Variants in KCNQ5 observed in about 807,000 individuals in gnomAD.
The protein encoded by KCNQ5 is potassium voltage-gated channel subfamily KQT member 5.
KCNQ5 carries 30 observed loss-of-function variants against 98.2 expected under a neutral mutation model. The observed-to-expected ratio is 0.31, with a 90% CI of 0.23 to 0.41. KCNQ5 has a LOEUF of 0.41. Among genes scored for constraint, KCNQ5 ranks in the 10% least tolerant of loss-of-function variants. KCNQ5 has a pLI of 1.00. For synonymous variants in KCNQ5, 458 were observed against 449.4 expected, an observed-to-expected ratio of 1.02 and a Z score of -0.24; for missense variants, 835 against 1,182.5, an observed-to-expected ratio of 0.71 and a Z score of 4.31.
intron 11 of KCNQ5, among the ~76,000 whole-genome samples, chr6:73,181,754 G>C (rs553523893): frequency 6.6e-5 from 10 of 152,338 alleles, no homozygotes; most frequent in African/African-American, 2.4e-4. Flanking sequence ...TTATGATTAA[G>C]AGCTCAAAGC....
chr6:72,930,383 C>T (rs1765636915), intron 1 of KCNQ5, among the ~76,000 whole-genome samples: 1 of 151,764 alleles, frequency 6.6e-6, no homozygotes, highest in African/African-American at 2.4e-5. Flanking sequence ...CTCTTAATTC[C>T]AGAAAGACTG....
chr6:73,160,038 G>A (rs1270546297), intron 10 of KCNQ5, among the ~76,000 whole-genome samples: 1 of 148,086 alleles, frequency 6.8e-6, no homozygotes, highest in Non-Finnish European at 1.5e-5. Context: ...TTTTGAGACA[G>A]AGTCTCGCTC....
chr6:73,104,975 A>G (rs1485101789), intron 5 of KCNQ5, among the ~76,000 whole-genome samples: 8 of 152,200 alleles, frequency 5.3e-5, no homozygotes, highest in Non-Finnish European at 1.0e-4. Flanking sequence ...TCATTTCTGT[A>G]TCACTGATGG....
intron 1 of KCNQ5, among the ~76,000 whole-genome samples, chr6:72,793,932 C>T (rs1035334177): frequency 3.3e-5 from 5 of 152,096 alleles, no homozygotes; most frequent in African/African-American, 9.7e-5. Flanking sequence ...GCTTGACATT[C>T]GGAGATCAGA....
chr6:72,827,466 T>C (rs1388651039), intron 1 of KCNQ5, among the ~76,000 whole-genome samples: 1 of 152,188 alleles, frequency 6.6e-6, no homozygotes, highest in Non-Finnish European at 1.5e-5. Flanking sequence ...GATTTGCATT[T>C]TCCTGATGAT....
At chr6:72,808,343 A>C (rs1775056579) in intron 1 of KCNQ5, among the ~76,000 whole-genome samples, 1 of 152,204 alleles carries the variant, frequency 6.6e-6, no homozygotes, top group African/African-American at 2.4e-5. Flanking sequence ...AACAGAGACT[A>C]AGTTGATTTA....
intron 5 of KCNQ5, among the ~76,000 whole-genome samples, chr6:73,078,960 AT>A (rs773281343): frequency 2.0e-5 from 3 of 152,244 alleles, no homozygotes; most frequent in Non-Finnish European, 2.9e-5. Context: ...TATAAATTAC[AT>A]TTCTTTTTAT....
At chr6:73,165,804 G>T (rs550620451) in intron 10 of KCNQ5, among the ~76,000 whole-genome samples, 1 of 152,030 alleles carries the variant, frequency 6.6e-6, no homozygotes, top group African/African-American at 2.4e-5. Flanking sequence ...AATTAGCCGT[G>T]TGTGGTGGTG....
chr6:72,783,620 A>T (rs1238245449), intron 1 of KCNQ5, among the ~76,000 whole-genome samples: 1 of 152,170 alleles, frequency 6.6e-6, no homozygotes, highest in Non-Finnish European at 1.5e-5. Context: ...TTTATCCTCG[A>T]TATTGCCAGA....
intron 6 of KCNQ5, among the ~76,000 whole-genome samples, chr6:73,107,358 T>G (rs1487847666): frequency 2.6e-5 from 4 of 152,146 alleles, no homozygotes; most frequent in African/African-American, 4.8e-5. Context: ...CACAATTCTT[T>G]GAAGATTATA....
intron 3 of KCNQ5, among the ~76,000 whole-genome samples, chr6:73,077,087 C>T (rs551696338): frequency 6.6e-6 from 1 of 152,272 alleles, no homozygotes; most frequent in African/African-American, 2.4e-5. Context: ...ATAGGTAAAG[C>T]GCAGAATGGC....
intron 3 of KCNQ5, among the ~76,000 whole-genome samples, chr6:73,053,015 T>G (rs994214308): frequency 6.6e-6 from 1 of 152,230 alleles, no homozygotes; most frequent in Non-Finnish European, 1.5e-5. Context: ...TCACATGCAG[T>G]GACACACATA....
intron 11 of KCNQ5, among the ~76,000 whole-genome samples, chr6:73,189,570 C>T (rs979811013): frequency 5.9e-5 from 9 of 152,094 alleles, no homozygotes; most frequent in African/African-American, 1.7e-4. Context: ...TGATTCCCAG[C>T]CTGGAATCTA....
At chr6:72,735,553 C>G (rs35811041) in intron 1 of KCNQ5, among the ~76,000 whole-genome samples, 3 of 151,956 alleles carry the variant, frequency 2.0e-5, no homozygotes, top group Non-Finnish European at 4.4e-5. Flanking sequence ...TAAAAAATGA[C>G]TATGTATCTT....
chr6:72,846,132 G>A (rs1777008187), intron 1 of KCNQ5, among the ~76,000 whole-genome samples: 2 of 152,154 alleles, frequency 1.3e-5, no homozygotes, highest in Non-Finnish European at 2.9e-5. Context: ...AACTACTCCA[G>A]CTTAGAGGAA....
Position 72,631,091 on chromosome 6 carries a change from C to T in KCNQ5, c.398+8504C>T, listed in dbSNP as rs754081928. On this transcript the variant is annotated intron_variant, in intron 1 of 13. Coordinates refer to ENST00000370398, the MANE Select transcript of KCNQ5 (RefSeq NM_019842.4). ...ATTGAATGTGGAAGATTAAGAGATA[C>T]AGATTTGTTATTTCCAGATTATTGG... Among the ~76,000 whole-genome samples the T allele has an allele frequency of 2.6e-5, 4 of 152,288 alleles. No homozygotes were observed. The South Asian group carries it at 6.2e-4, about 24-fold the overall frequency.
chr6:72,767,198 A>C (rs1470621635), intron 1 of KCNQ5, among the ~76,000 whole-genome samples: 1 of 152,038 alleles, frequency 6.6e-6, no homozygotes. Flanking sequence ...TACCTGTTAG[A>C]AATGCAAATG....
At position 73,026,351 on chromosome 6, in the gene KCNQ5, C is replaced by T. The variant is rs192350263; in HGVS notation, c.490-15585C>T. Among the ~76,000 whole-genome samples the T allele has an allele frequency of 3.0e-3, 451 of 152,324 alleles. 2 individuals carry two copies. Among genetic ancestry groups the T allele is most frequent in the African/African-American group, 0.01 (417 of 41,562 alleles). On this transcript the variant is annotated intron_variant, in intron 2 of 13. Coordinates refer to ENST00000370398, the MANE Select transcript of KCNQ5 (RefSeq NM_019842.4). Reference sequence around the variant, plus strand: ...CTTTTACCCAGTCTACTTCAGCCAGCCCGGTCTCCTTGTTCCTCATTCACA... The same window carrying T: ...CTTTTACCCAGTCTACTTCAGCCAGTCCGGTCTCCTTGTTCCTCATTCACA...
intron 1 of KCNQ5, among the ~76,000 whole-genome samples, chr6:72,785,742 T>G (rs78480650): frequency 0.044 from 6,650 of 152,282 alleles, 461 homozygotes; most frequent in African/African-American, 0.15. Context: ...TTTCTCATTT[T>G]TCCTTCCTCT....
Sources: gnomAD v4.1 joint callset for allele counts (sites outside exome capture counted in the v4.1 genomes callset) on GRCh38, gnomAD v4.1.1 for gene constraint, MANE v1.5 for transcripts, NCBI Gene and HGNC (gene_info 2026-07-23, HGNC 2026-07-21) for gene names.